RRN3: variants seen among roughly 807,000 people sequenced by gnomAD.
RRN3 encodes the protein RNA polymerase I-specific transcription initiation factor RRN3.
A neutral mutation model predicts 82.3 loss-of-function variants in RRN3; 38 were observed. The observed-to-expected ratio is 0.46, with a 90% confidence interval of 0.36 to 0.61. RRN3 has a LOEUF of 0.61. Among genes scored for constraint, RRN3 ranks in the 20% least tolerant of loss-of-function variants. The probability of loss-of-function intolerance (pLI) is 0.00; values close to 1 mark genes in which losing one functional copy is unlikely to be tolerated. For missense variants in RRN3, 726 were observed against 793.1 expected (o/e 0.92, Z 1.02); for synonymous variants, 284 against 284.3 (o/e 1.00, Z 0.01).
chr16:15,073,053 T>G lies in RRN3; in HGVS notation c.1025A>C (p.Asp342Ala). The G allele has an allele frequency of 1.2e-6, 2 of 1,612,350 alleles. No homozygotes were observed. Among genetic ancestry groups the G allele is most frequent in the African/African-American group, 1.3e-5 (1 of 74,952 alleles). Residue 342 changes from aspartate to alanine, a missense_variant, in exon 12 of 18, where the codon GAT (aspartate) becomes GCT (alanine). By Grantham distance (126) the Asp-to-Ala change is moderately radical. Around this residue, in one of 4 missense-constraint regions of RRN3, gnomAD observed 344 missense variants for 394.5 expected, o/e 0.87. Transcript: ENST00000198767. ...GATGTTTATCAGGTCGCGATATAGATCCTTTGTTTTGCCGTTATCAACCTT... is the reference window on the plus strand; with the variant it reads ...GATGTTTATCAGGTCGCGATATAGAGCCTTTGTTTTGCCGTTATCAACCTT... ...DGKVDNGKTK[D>A]LYRDLINIFD...
Position 15,061,584 on chromosome 16 carries a change from T to C in RRN3, c.*160A>G. On this transcript the variant is annotated 3_prime_UTR_variant, in exon 18 of 18. Coordinates refer to ENST00000198767, the MANE Select transcript of RRN3 (RefSeq NM_018427.5). ...ACAACAACAACAAAAAAACCCAGTC[T>C]TCAGATGCTTGATTCAGTCGAACCT... 3.6e-6 allele frequency: 2 copies of C among 555,940 alleles called. No homozygotes were observed. Among genetic ancestry groups the C allele is most frequent in the Non-Finnish European group, 6.3e-6 (2 of 319,122 alleles). The allele number at this position is 555,940 out of a possible 1,614,324, so 34.4% of individuals were successfully genotyped here.
intron 7 of RRN3, among the ~76,000 whole-genome samples, chr16:15,084,238 C>T (rs1004991599): frequency 5.3e-5 from 8 of 152,160 alleles, no homozygotes; most frequent in Middle Eastern, 3.4e-3. Flanking sequence ...AAATAATCAA[C>T]GGACAGAGGG....
At chr16:15,079,946 T>C (rs2045628142) in intron 9 of RRN3, 52 bp downstream of exon 9, 2 of 1,508,834 alleles carry the variant, frequency 1.3e-6, no homozygotes, top group Admixed American at 4.4e-5. Flanking sequence ...ACTGTGATTA[T>C]AACAAATTCA....
intron 8 of RRN3, among the ~76,000 whole-genome samples, chr16:15,082,002 A>G (rs1200819313): frequency 6.6e-6 from 1 of 152,090 alleles, no homozygotes; most frequent in Non-Finnish European, 1.5e-5. Context: ...TTATCTCTAA[A>G]ATTTCTTGTG....
chr16:15,074,364 G>GACCCTCTAAACTCAAT (rs1163413719), intron 11 of RRN3, among the ~76,000 whole-genome samples: 1 of 152,184 alleles, frequency 6.6e-6, no homozygotes, highest in Non-Finnish European at 1.5e-5. Context: ...GCCAGGCAAA[G>GACCCTCTAAACTCAAT]ACCCTCTAAA....
chr16:15,073,933 G>GT (rs2151784203), intron 11 of RRN3, among the ~76,000 whole-genome samples: 1 of 152,150 alleles, frequency 6.6e-6, no homozygotes, highest in Admixed American at 6.5e-5. Flanking sequence ...ATGAGAAAAT[G>GT]TTTATCTTCA....
chr16:15,062,734 C>T (rs1006513312), intron 17 of RRN3, among the ~76,000 whole-genome samples: 5 of 152,220 alleles, frequency 3.3e-5, no homozygotes, highest in Non-Finnish European at 7.3e-5. Context: ...AATTAACCTT[C>T]GCTTCTCACA....
chr16:15,082,528 C>T (rs1026171834), intron 8 of RRN3, among the ~76,000 whole-genome samples: 4 of 151,870 alleles, frequency 2.6e-5, no homozygotes, highest in East Asian at 3.9e-4. Context: ...CAAAAATTAG[C>T]GGGGTGTGGT....
At position 15,071,212 on chromosome 16, in the gene RRN3, A is replaced by G. The variant is rs767835427; in HGVS notation, c.1168T>C (p.Leu390=). The G allele has an allele frequency of 6.2e-7, 1 of 1,610,946 alleles. No homozygotes were observed. The highest frequency in any genetic ancestry group is 8.5e-7 in the Non-Finnish European group (1 of 1,179,502). The change falls in exon 13 of 18, where the codon TTG becomes CTG. Residue 390 remains leucine, a synonymous_variant. Transcript: ENST00000198767. ...EAFLEHLWKK[L]QDPSNPAIIR... ...ATGGCAGGATTACTTGGGTCCTGCA[A>G]TTTTTTCCAGAGATGTTCCAAAAAT...
Position 15,073,042 on chromosome 16 carries a change from C to G in RRN3, c.1036G>C (p.Asp346His). ...AGTTTGTCAAAGATGTTTATCAGGT[C>G]GCGATATAGATCCTTTGTTTTGCCG... is the stretch of plus-strand genomic sequence containing the variant. ...DNGKTKDLYR[D>H]LINIFDKLLL... The change falls in exon 12 of 18, where the codon GAC becomes CAC. Residue 346 changes from aspartate to histidine, a missense_variant. This residue lies in a region of RRN3 where 344 missense variants were observed against 394.5 expected (regional missense o/e 0.87). Coordinates refer to ENST00000198767, the MANE Select transcript of RRN3 (RefSeq NM_018427.5). 6.2e-7 allele frequency: 1 copy of G among 1,612,882 alleles called. No homozygotes were observed. Among genetic ancestry groups the G allele is most frequent in the Non-Finnish European group, 8.5e-7 (1 of 1,179,724 alleles).
chr16:15,073,363 G>C (rs533714239), intron 11 of RRN3, among the ~76,000 whole-genome samples: 7 of 152,268 alleles, frequency 4.6e-5, no homozygotes, highest in Admixed American at 4.6e-4. Flanking sequence ...AGGCTGAGGC[G>C]GATGAACCGC....
intron 9 of RRN3, among the ~76,000 whole-genome samples, chr16:15,077,935 ACACT>A (rs1210507803): frequency 9.9e-5 from 15 of 152,216 alleles, no homozygotes; most frequent in Non-Finnish European, 1.5e-4. Context: ...TATGCACAAG[ACACT>A]CACAGACACA....
chr16:15,079,735 G>T (rs551390787), intron 9 of RRN3, among the ~76,000 whole-genome samples: 2 of 152,204 alleles, frequency 1.3e-5, no homozygotes, highest in South Asian at 4.1e-4. Context: ...TGGGATTACA[G>T]GCACCCACCA....
chr16:15,073,575 C>T (rs1249978087), intron 11 of RRN3, among the ~76,000 whole-genome samples: 2 of 152,158 alleles, frequency 1.3e-5, no homozygotes, highest in African/African-American at 4.8e-5. Flanking sequence ...GGAAGCAGGC[C>T]CTCACCTCAC....
At chr16:15,066,819 C>G (rs1164500434) in intron 15 of RRN3, among the ~76,000 whole-genome samples, 2 of 151,530 alleles carry the variant, frequency 1.3e-5, no homozygotes, top group African/African-American at 4.8e-5. Context: ...CTTTATTTAC[C>G]ATATCTGTAC....
At chr16:15,082,718 C>A (rs1211398125) in intron 8 of RRN3, among the ~76,000 whole-genome samples, 1 of 151,830 alleles carries the variant, frequency 6.6e-6, no homozygotes, top group East Asian at 1.9e-4. Flanking sequence ...TAACATCAGT[C>A]GCACTTGGTC....
chr16:15,087,486 C>A (rs575053742), intron 3 of RRN3, among the ~76,000 whole-genome samples: 2 of 152,306 alleles, frequency 1.3e-5, no homozygotes, highest in East Asian at 1.9e-4. Context: ...TCCCTATATG[C>A]GGAGAAGAAG....
rs760030149 is a variant in RRN3 at position 15,094,197 on chromosome 16, C to A, written c.37G>T (p.Asp13Tyr). The A allele has an allele frequency of 6.9e-6, 11 of 1,600,380 alleles. No individual in the cohort carries two copies. The highest frequency in any genetic ancestry group is 1.7e-4 in the Middle Eastern group (1 of 5,940). ...APLLHTRLPGDAAASSSAVKK... is the reference protein window; with the variant it reads ...APLLHTRLPGYAAASSSAVKK... ...ACTGCAGAGGACGAAGCGGCCGCAT[C>A]TCCCGGCAAACGCGTGTGAAGCAGC... is the stretch of plus-strand genomic sequence containing the variant. The change falls in exon 1 of 18, where the codon GAT (aspartate) becomes TAT (tyrosine). Residue 13 changes from aspartate (D) to tyrosine (Y), a missense_variant. Coordinates refer to ENST00000198767, the MANE Select transcript of RRN3 (RefSeq NM_018427.5).
At chr16:15,091,267 T>C (rs758223654) in intron 3 of RRN3, 48 bp downstream of exon 3, 6 of 1,604,858 alleles carry the variant, frequency 3.7e-6, no homozygotes, top group South Asian at 2.2e-5. Flanking sequence ...ACTATGTCTG[T>C]ATACAGTGGC....
Sources: allele counts gnomAD v4.1 joint callset (sites outside exome capture counted in the v4.1 genomes callset), GRCh38; gene constraint gnomAD v4.1.1; regional missense constraint gnomAD v4.1.1; transcripts MANE v1.5; gene names NCBI Gene and HGNC (gene_info 2026-07-23, HGNC 2026-07-21).